Variants in FREM3 observed in about 807,000 individuals in gnomAD.
FREM3 encodes FRAS1-related extracellular matrix protein 3.
FREM3 carries 105 observed loss-of-function variants against 129.1 expected under a neutral mutation model. The observed-to-expected ratio is 0.81, with a 90% CI of 0.69 to 0.96. The LOEUF is 0.96. Ranked by LOEUF, FREM3 falls within the 40% of genes least tolerant of loss-of-function variation. The pLI is 0.00. For synonymous variants in FREM3, 1,014 were observed against 1,044.9 expected, an observed-to-expected ratio of 0.97 and a Z score of 0.57; for missense variants, 2,593 against 2,666.3, an observed-to-expected ratio of 0.97 and a Z score of 0.61.
intron 2 of FREM3, among the ~76,000 whole-genome samples, chr4:143,680,394 A>T (rs1181820991): frequency 6.6e-6 from 1 of 152,074 alleles, no homozygotes; most frequent in East Asian, 1.9e-4. Flanking sequence ...AATATAAACA[A>T]ATATGGGTTT....
chr4:143,699,134 A>C lies in FREM3; in HGVS notation c.1542T>G (p.Ser514Arg). Residue 514 changes from serine (S) to arginine (R), a missense_variant, in exon 1 of 8, where the codon AGT becomes AGG. Ser to Arg is a moderately radical substitution (Grantham distance 110, BLOSUM62 -1). Around this residue, in one of 2 missense-constraint regions of FREM3, gnomAD observed 2,276 missense variants for 2,267.2 expected, o/e 1.00. Coordinates refer to ENST00000329798, the MANE Select transcript of FREM3 (RefSeq NM_001168235.2). The surrounding 1 kb of genome is among the most constrained non-coding windows in gnomAD (Gnocchi z 4.2). ...CCTCCATCCGGAAGATGATATTGTCACTGTAGGTGTTGCTGCCATCATGCT... is the reference window on the plus strand; with the variant it reads ...CCTCCATCCGGAAGATGATATTGTCCCTGTAGGTGTTGCTGCCATCATGCT... The part of the protein sequence containing the change: ...VYQHDGSNTY[S>R]DNIIFRMEDG... The C allele has an allele frequency of 6.5e-7, 1 of 1,537,322 alleles. No individual in the cohort carries two copies. The highest frequency in any genetic ancestry group is 8.7e-7 in the Non-Finnish European group (1 of 1,146,912).
intron 2 of FREM3, among the ~76,000 whole-genome samples, chr4:143,646,483 T>C (rs989086147): frequency 4.1e-4 from 62 of 152,278 alleles, no homozygotes; most frequent in African/African-American, 1.4e-3. Flanking sequence ...AGGGAGATAA[T>C]TGAATCATGG....
chr4:143,620,527 T>C (rs78034081), intron 5 of FREM3, among the ~76,000 whole-genome samples: 1 of 152,154 alleles, frequency 6.6e-6, no homozygotes, highest in Non-Finnish European at 1.5e-5. Flanking sequence ...TCAAAAAGAA[T>C]GGAAACTTGT....
In FREM3 at chr4:143,697,097, C is replaced by G; in HGVS notation, c.3579G>C (p.Gln1193His). The G allele has an allele frequency of 6.5e-7, 1 of 1,537,766 alleles. No homozygotes were observed. The highest frequency in any genetic ancestry group is 1.2e-5 in the South Asian group (1 of 84,062). ...TAAACTCATGGGCAAAAAGTTTAGG[C>G]TGCTCATCATTGGTGGGTAGGATGA... Reference protein sequence around the residue: ...PIIILPTNDEQPKLFAHEFKV... With the variant: ...PIIILPTNDEHPKLFAHEFKV... Residue 1193 changes from glutamine (Q) to histidine (H), a missense_variant, in exon 1 of 8, where the codon CAG (glutamine) becomes CAC (histidine). This residue lies in a region of FREM3 where 2,276 missense variants were observed against 2,267.2 expected (regional missense o/e 1.00). Transcript: ENST00000329798.
intron 2 of FREM3, among the ~76,000 whole-genome samples, chr4:143,631,194 T>C (rs1578842678): frequency 6.6e-6 from 1 of 152,174 alleles, no homozygotes; most frequent in Non-Finnish European, 1.5e-5. Context: ...TAAATGTGAA[T>C]TTGTGCCAAA....
chr4:143,689,625 C>G (rs549012757), intron 2 of FREM3, among the ~76,000 whole-genome samples: 5 of 151,970 alleles, frequency 3.3e-5, no homozygotes, highest in Non-Finnish European at 7.4e-5. Context: ...AATCGTGGAA[C>G]CAACCAAAAT....
intron 2 of FREM3, among the ~76,000 whole-genome samples, chr4:143,659,708 A>G (rs1250700611): frequency 1.3e-5 from 2 of 150,350 alleles, no homozygotes; most frequent in Non-Finnish European, 2.9e-5. Context: ...ACAGTGTAAA[A>G]GTGTTCCTAT....
intron 6 of FREM3, among the ~76,000 whole-genome samples, chr4:143,608,719 G>A (rs1560842975): frequency 1.3e-5 from 2 of 152,136 alleles, no homozygotes; most frequent in South Asian, 2.1e-4. Flanking sequence ...GTTAGAGCAT[G>A]TCCAGGGTAT....
At chr4:143,579,620 G>C (rs758212840) in intron 7 of FREM3, among the ~76,000 whole-genome samples, 1 of 152,042 alleles carries the variant, frequency 6.6e-6, no homozygotes, top group Non-Finnish European at 1.5e-5. Context: ...TGCAAAATGG[G>C]GATAATGATA....
intron 2 of FREM3, among the ~76,000 whole-genome samples, chr4:143,669,802 A>T (rs1049506452): frequency 6.6e-6 from 1 of 151,990 alleles, no homozygotes; most frequent in African/African-American, 2.4e-5. Context: ...ATATATATAT[A>T]TTTTTAAATT....
chr4:143,683,006 G>C (rs1040629388), intron 2 of FREM3, among the ~76,000 whole-genome samples: 3 of 152,192 alleles, frequency 2.0e-5, no homozygotes, highest in Admixed American at 6.5e-5. Flanking sequence ...GAGTGTCAGA[G>C]TGATGCAGCA....
chr4:143,689,770 A>C (rs778860530), intron 2 of FREM3, among the ~76,000 whole-genome samples: 1 of 152,060 alleles, frequency 6.6e-6, no homozygotes, highest in Non-Finnish European at 1.5e-5. Flanking sequence ...TTCTAAATGA[A>C]TTAACTCAGG....
chr4:143,633,172 G>A (rs1219452615), intron 2 of FREM3, among the ~76,000 whole-genome samples: 4 of 152,194 alleles, frequency 2.6e-5, no homozygotes, highest in South Asian at 4.2e-4. Context: ...TAGTGGCAAC[G>A]GTCATCCACA....
intron 6 of FREM3, among the ~76,000 whole-genome samples, chr4:143,596,032 C>T (rs1434593210): frequency 2.0e-5 from 3 of 151,550 alleles, no homozygotes; most frequent in African/African-American, 7.3e-5. Flanking sequence ...CTAGTAGGAA[C>T]AAAGACACAT....
chr4:143,679,946 C>G (rs1254276411), intron 2 of FREM3, among the ~76,000 whole-genome samples: 3 of 152,002 alleles, frequency 2.0e-5, no homozygotes, highest in Non-Finnish European at 4.4e-5. Flanking sequence ...ATAATGGGGA[C>G]ATTTCTGATG....
chr4:143,615,716 AAC>A (rs1491212105), intron 5 of FREM3, among the ~76,000 whole-genome samples: 2,228 of 148,224 alleles, frequency 0.015, 53 homozygotes, highest in African/African-American at 0.056. Flanking sequence ...TCAAAAAAAA[AAC>A]AAAAACCCAA....
At position 143,664,293 on chromosome 4, in the gene FREM3, T is replaced by G. The variant is rs192028711; in HGVS notation, c.5275+28820A>C. Among the ~76,000 whole-genome samples, 1,033 of 152,268 alleles carry G rather than the reference T, an allele frequency of 6.8e-3. 18 individuals carry two copies. Among genetic ancestry groups the G allele is most frequent in the African/African-American group, 0.024 (990 of 41,564 alleles). The stretch of plus-strand genomic sequence containing the variant: ...GGATGTCCTTTCTGTTTGTTAGTTT[T>G]CCTTCTAACAGACAGGACCCTCAGC... On this transcript the variant is annotated intron_variant, in intron 2 of 7. Transcript: ENST00000329798.
chr4:143,666,995 C>T (rs1189350795), intron 2 of FREM3, among the ~76,000 whole-genome samples: 1 of 151,950 alleles, frequency 6.6e-6, no homozygotes, highest in East Asian at 1.9e-4. Flanking sequence ...AACTGTTAAA[C>T]AATTTTTAAT....
chr4:143,607,156 A>T (rs1429354229), intron 6 of FREM3, among the ~76,000 whole-genome samples: 1 of 152,168 alleles, frequency 6.6e-6, no homozygotes, highest in Non-Finnish European at 1.5e-5. Context: ...GTAGTTCTTC[A>T]TAAATGTAAA....
Sources: allele counts gnomAD v4.1 joint callset (sites outside exome capture counted in the v4.1 genomes callset), GRCh38; gene constraint gnomAD v4.1.1; regional missense constraint gnomAD v4.1.1; non-coding constraint Gnocchi (gnomAD v3.1); transcripts MANE v1.5; gene names NCBI Gene and HGNC (gene_info 2026-07-23, HGNC 2026-07-21).